The following IL6R variants were observed in gnomAD, a reference collection of about 807,000 sequenced individuals.
The protein encoded by IL6R is interleukin-6 receptor subunit alpha.
In IL6R, 38 loss-of-function variants were observed where a neutral mutation model predicts 48.3. The observed-to-expected ratio is 0.79, with a 90% CI of 0.61 to 1.03. The LOEUF (loss-of-function observed/expected upper bound fraction) is 1.03, where lower values mean the gene tolerates loss of function less well. Among genes scored for constraint, IL6R ranks in the 50% least tolerant of loss-of-function variants. The probability of loss-of-function intolerance (pLI) is 0.00; values close to 1 mark genes in which losing one functional copy is unlikely to be tolerated. For synonymous variants in IL6R, 264 were observed against 256.2 expected (o/e 1.03, Z -0.29); for missense variants, 534 against 618.3 (o/e 0.86, Z 1.45).
At chr1:154,459,634 T>C (rs1001570285) in intron 9 of IL6R, among the ~76,000 whole-genome samples, 8 of 152,236 alleles carry the variant, frequency 5.3e-5, no homozygotes, top group African/African-American at 1.9e-4. Context: ...TTCTTTGTTT[T>C]TTATTACTCA....
intron 3 of IL6R, among the ~76,000 whole-genome samples, chr1:154,431,584 G>A (rs1190197051): frequency 2.0e-5 from 3 of 152,146 alleles, no homozygotes; most frequent in Non-Finnish European, 4.4e-5. Context: ...TGGTCTCTCT[G>A]TTTCTCAAAA....
intron 8 of IL6R, among the ~76,000 whole-genome samples, chr1:154,450,912 G>A (rs954347860): frequency 2.0e-5 from 3 of 152,230 alleles, no homozygotes; most frequent in Admixed American, 1.3e-4. Flanking sequence ...CCCTACCATG[G>A]TGCAGTGCAC....
In IL6R at chr1:154,434,513, T is replaced by A; in HGVS notation, c.459-6T>A. 8 of 1,611,378 alleles carry A rather than the reference T, an allele frequency of 5.0e-6. No homozygotes were observed. The highest frequency in any genetic ancestry group is 5.9e-6 in the Non-Finnish European group (7 of 1,179,134). On this transcript the variant is annotated splice_polypyrimidine_tract_variant and splice_region_variant and intron_variant, in intron 3 of 9. Transcript: ENST00000368485. ...GCAAGCCCTGCCCTTGTTTTGTGTC[T>A]AACAGTCAGAACAGTCCGGCCGAAG...
intron 3 of IL6R, among the ~76,000 whole-genome samples, chr1:154,431,134 G>A (rs368526420): frequency 1.3e-5 from 2 of 152,158 alleles, no homozygotes; most frequent in Non-Finnish European, 2.9e-5. Flanking sequence ...ATGGGCGGGG[G>A]AGAGGGAGCT....
chr1:154,418,879 G>A (rs183752235), intron 1 of IL6R, among the ~76,000 whole-genome samples: 5 of 151,954 alleles, frequency 3.3e-5, no homozygotes, highest in South Asian at 2.1e-4. Flanking sequence ...CAGTGATGGC[G>A]CTGACCCCCC....
At chr1:154,444,208 CTTTT>C (rs562457712) in intron 6 of IL6R, among the ~76,000 whole-genome samples, 1 of 138,222 alleles carries the variant, frequency 7.2e-6, no homozygotes, top group Non-Finnish European at 1.6e-5. Flanking sequence ...AAGTTGCTAG[CTTTT>C]TTTTTTTTTT....
At chr1:154,430,633 C>G (rs905126390) in intron 3 of IL6R, 27 bp downstream of exon 3, 20 of 1,613,772 alleles carry the variant, frequency 1.2e-5, no homozygotes, top group African/African-American at 4.0e-5. Flanking sequence ...GAGCTATGTG[C>G]ATGTTGGCTC....
intron 9 of IL6R, among the ~76,000 whole-genome samples, chr1:154,456,767 G>A (rs1030925579): frequency 4.6e-5 from 7 of 152,110 alleles, no homozygotes; most frequent in Non-Finnish European, 7.3e-5. Flanking sequence ...AACACAGATC[G>A]TCACCAGCAA....
At chr1:154,432,648 G>A (rs901584738) in intron 3 of IL6R, among the ~76,000 whole-genome samples, 8 of 152,218 alleles carry the variant, frequency 5.3e-5, no homozygotes, top group East Asian at 1.9e-4. Flanking sequence ...GTGAGCCACC[G>A]CGCCCGGCTT....
intron 1 of IL6R, chr1:154,406,306 G>A (rs1687717192): frequency 6.6e-6 from 1 of 152,416 alleles, no homozygotes; most frequent in South Asian, 2.1e-4. Context: ...CCAACTCTGG[G>A]AAGCCAAGTG....
intron 5 of IL6R, among the ~76,000 whole-genome samples, chr1:154,435,712 G>C (rs1464568980): frequency 6.6e-6 from 1 of 152,212 alleles, no homozygotes; most frequent in East Asian, 1.9e-4. Flanking sequence ...TGTGGGAAGA[G>C]ATTTGGGCTG....
intron 6 of IL6R, among the ~76,000 whole-genome samples, chr1:154,443,748 A>G (rs1413068139): frequency 6.6e-6 from 1 of 152,210 alleles, no homozygotes; most frequent in Admixed American, 6.5e-5. Context: ...GGGTGCAATA[A>G]ATGCCAGCAT....
Position 154,429,376 on chromosome 1 carries a change from A to G in IL6R, c.266A>G (p.His89Arg), listed in dbSNP as rs779457451. The change falls in exon 2 of 10, where the codon CAC becomes CGC. Residue 89 changes from histidine to arginine, a missense_variant. Physicochemically the swap from His to Arg is conservative, Grantham distance 29. Coordinates refer to ENST00000368485, the MANE Select transcript of IL6R (RefSeq NM_000565.4). ...RRLLLRSVQL[H>R]DSGNYSCYRA... ...CTGCTGCTGAGGTCGGTGCAGCTCC[A>G]CGACTCTGGAAACTATTCATGCTAC... The G allele has an allele frequency of 2.5e-6, 4 of 1,613,966 alleles. No homozygotes were observed. The African/African-American group carries it at 5.3e-5, about 22-fold the overall frequency.
intron 6 of IL6R, among the ~76,000 whole-genome samples, chr1:154,447,476 T>TATATATATATACACACACACACAC (rs1424013885): frequency 1.5e-5 from 1 of 68,836 alleles, no homozygotes; most frequent in African/African-American, 5.6e-5. Flanking sequence ...TATATATATA[T>TATATATATATACACACACACACAC]ACACACACAC....
chr1:154,418,108 G>C (rs916110234), intron 1 of IL6R, among the ~76,000 whole-genome samples: 1 of 152,204 alleles, frequency 6.6e-6, no homozygotes, highest in Admixed American at 6.5e-5. Context: ...GATCTCAGGT[G>C]ATCCGCCAGC....
At chr1:154,456,746 G>T (rs1469723727) in intron 9 of IL6R, among the ~76,000 whole-genome samples, 1 of 152,152 alleles carries the variant, frequency 6.6e-6, no homozygotes, top group Non-Finnish European at 1.5e-5. Context: ...AAGCGGACAC[G>T]CTTGGCAGGC....
chr1:154,437,183 G>A (rs1231814876), intron 6 of IL6R, among the ~76,000 whole-genome samples: 2 of 152,094 alleles, frequency 1.3e-5, no homozygotes, highest in Non-Finnish European at 2.9e-5. Flanking sequence ...TGCAAGCTCC[G>A]CTTTCCAGGT....
chr1:154,460,372 C>T (rs1691177789), intron 9 of IL6R, among the ~76,000 whole-genome samples: 1 of 151,876 alleles, frequency 6.6e-6, no homozygotes, highest in African/African-American at 2.4e-5. Flanking sequence ...TTCATACTCG[C>T]CTTAGAATAT....
In IL6R at chr1:154,465,522, C is replaced by T. The variant is rs1691516063; in HGVS notation, c.*142C>T. The T allele has an allele frequency of 1.1e-6, 1 of 925,564 alleles. No homozygotes were observed. Among genetic ancestry groups the T allele is most frequent in the Admixed American group, 2.5e-5 (1 of 39,596 alleles). 57.3% of individuals were successfully genotyped at this position (925,564 alleles called of 1,614,324 possible). A position where few individuals can be genotyped will look rare whatever the true frequency, so the allele number is the denominator to read the frequency against. On this transcript the variant is annotated 3_prime_UTR_variant, in exon 10 of 10. Transcript: ENST00000368485. ...TCACGGAAGAGCCTTGCGGAAGGTT[C>T]TACGCCAGGGGAAAATCAGCCTGCT...
Sources: allele counts gnomAD v4.1 joint callset (sites outside exome capture counted in the v4.1 genomes callset), GRCh38; gene constraint gnomAD v4.1.1; transcripts MANE v1.5; gene names NCBI Gene and HGNC (gene_info 2026-07-23, HGNC 2026-07-21).